The following NUDCD3 variants were observed in gnomAD, a reference collection of about 807,000 sequenced individuals.
NUDCD3 encodes the protein nudC domain-containing protein 3.
A neutral mutation model predicts 39.7 loss-of-function variants in NUDCD3; 13 were observed. The observed-to-expected ratio is 0.33, with a 90% CI of 0.21 to 0.52. The LOEUF is 0.52. Among genes scored for constraint, NUDCD3 ranks in the 20% least tolerant of loss-of-function variants. The pLI is 0.96. For synonymous variants in NUDCD3, 175 were observed against 172.4 expected (o/e 1.02, Z -0.12); for missense variants, 453 against 458.1 (o/e 0.99, Z 0.10).
At position 44,383,788 on chromosome 7, in the gene NUDCD3, C is replaced by G. The variant is rs1585044645; in HGVS notation, c.*2223G>C. On this transcript the variant is annotated 3_prime_UTR_variant, in exon 6 of 6. Coordinates refer to ENST00000355451, the MANE Select transcript of NUDCD3 (RefSeq NM_015332.4). ...AGAGAAAACAGGCAGGGTGTGCCAG[C>G]TCTGGAGACTGGGCCAGTCCAGGGT... 1 of 152,232 alleles carries G rather than the reference C, an allele frequency of 6.6e-6. No individual in the cohort carries two copies. Among genetic ancestry groups the G allele is most frequent in the Admixed American group, 6.5e-5 (1 of 15,282 alleles). 9.4% of individuals were successfully genotyped at this position (152,232 alleles called of 1,614,324 possible). A position where few individuals can be genotyped will look rare whatever the true frequency, so the allele number is the denominator to read the frequency against.
intron 2 of NUDCD3, chr7:44,468,182 T>C: frequency 6.2e-7 from 1 of 1,602,082 alleles, no homozygotes; most frequent in African/African-American, 1.3e-5. Flanking sequence ...CAAATCTTAC[T>C]GTGCCGAGAT....
chr7:44,460,391 G>A (rs533496188), intron 2 of NUDCD3, among the ~76,000 whole-genome samples: 158 of 152,230 alleles, frequency 1.0e-3, no homozygotes, highest in African/African-American at 3.7e-3. Context: ...TTCTTACCTG[G>A]TATGACTAAG....
intron 2 of NUDCD3, among the ~76,000 whole-genome samples, chr7:44,456,969 T>C (rs10246459): frequency 0.15 from 23,418 of 151,676 alleles, 1,986 homozygotes; most frequent in Non-Finnish European, 0.19. Context: ...AGCATTAGTC[T>C]CACATCCTGG....
In NUDCD3 at chr7:44,381,522, C is replaced by T. The variant is rs746802802; in HGVS notation, c.*4489G>A. On this transcript the variant is annotated 3_prime_UTR_variant, in exon 6 of 6. Transcript: ENST00000355451. ...CAGCCACATGGCCTTGGGAGTGTTA[C>T]TTACTCCTGTGATTGTAGCACAATG... is the stretch of plus-strand genomic sequence containing the variant. 12 of 152,276 alleles carry T rather than the reference C, an allele frequency of 7.9e-5. No individual in the cohort carries two copies. Among genetic ancestry groups the T allele is most frequent in the Non-Finnish European group, 1.8e-4 (12 of 68,118 alleles). 9.4% of individuals were successfully genotyped at this position (152,276 alleles called of 1,614,324 possible).
intron 2 of NUDCD3, among the ~76,000 whole-genome samples, chr7:44,458,936 C>CTGTG (rs55947411): frequency 0.15 from 17,550 of 114,976 alleles, 1,375 homozygotes; most frequent in East Asian, 0.31. Flanking sequence ...ACGGGGAGTG[C>CTGTG]TGTGTGTGTG....
At chr7:44,432,342 T>C (rs1799380271) in intron 2 of NUDCD3, among the ~76,000 whole-genome samples, 1 of 152,142 alleles carries the variant, frequency 6.6e-6, no homozygotes, top group African/African-American at 2.4e-5. Context: ...GTATGTAAAA[T>C]GAAGAGTAAA....
chr7:44,414,776 T>C (rs17131819), intron 3 of NUDCD3, among the ~76,000 whole-genome samples: 8,318 of 152,324 alleles, frequency 0.055, 363 homozygotes, highest in African/African-American at 0.12. Context: ...CTGCATTTTT[T>C]CCTAAGCAAC....
At chr7:44,475,445 T>C (rs918552190) in intron 2 of NUDCD3, among the ~76,000 whole-genome samples, 3 of 152,180 alleles carry the variant, frequency 2.0e-5, no homozygotes, top group African/African-American at 4.8e-5. Flanking sequence ...CATGTATTTA[T>C]GTATATGTTT....
intron 2 of NUDCD3, among the ~76,000 whole-genome samples, chr7:44,475,778 G>C (rs2116971300): frequency 6.6e-6 from 1 of 151,622 alleles, no homozygotes; most frequent in Non-Finnish European, 1.5e-5. Context: ...AAAAAGAAAA[G>C]GGAAGAGGAA....
rs3200522 is a variant in NUDCD3, at chr7:44,468,198, A to C, written c.509+16770T>G. 7 of 1,600,598 alleles carry C rather than the reference A, an allele frequency of 4.4e-6. No individual in the cohort carries two copies. The East Asian group carries it at 1.3e-4, about 31-fold the overall frequency. On this transcript the variant is annotated intron_variant, in intron 2 of 5. Coordinates refer to ENST00000355451, the MANE Select transcript of NUDCD3 (RefSeq NM_015332.4). ...AAATCTTACTGTGCCGAGATCGCTC[A>C]CAATGTTTCCTCCAAGAACCGCAAA...
intron 3 of NUDCD3, among the ~76,000 whole-genome samples, chr7:44,419,901 C>T (rs977112653): frequency 6.6e-6 from 1 of 152,132 alleles, no homozygotes; most frequent in African/African-American, 2.4e-5. Flanking sequence ...AAAACCAGCA[C>T]AAAAATGCTG....
At chr7:44,431,749 T>C (rs1048718251) in intron 2 of NUDCD3, among the ~76,000 whole-genome samples, 3 of 145,166 alleles carry the variant, frequency 2.1e-5, no homozygotes, top group Non-Finnish European at 4.5e-5. Context: ...CTCGGCTCAC[T>C]GCAACCTTCA....
chr7:44,424,847 G>C (rs995773476), intron 3 of NUDCD3, among the ~76,000 whole-genome samples: 6 of 152,164 alleles, frequency 3.9e-5, no homozygotes, highest in Non-Finnish European at 8.8e-5. Flanking sequence ...GCACATGTAT[G>C]TTTACTGCAG....
intron 2 of NUDCD3, among the ~76,000 whole-genome samples, chr7:44,480,887 A>G (rs546371295): frequency 2.1e-5 from 3 of 145,172 alleles, no homozygotes; most frequent in African/African-American, 7.7e-5. Context: ...GGCTGCAGTG[A>G]GCCAAGATCA....
intron 2 of NUDCD3, among the ~76,000 whole-genome samples, chr7:44,449,518 C>T (rs536679754): frequency 1.3e-5 from 2 of 152,128 alleles, no homozygotes; most frequent in Non-Finnish European, 2.9e-5. Context: ...GAATAATGTG[C>T]TTGACAGGTA....
chr7:44,404,901 A>AAAGTGAGC (rs1215446124), intron 3 of NUDCD3, among the ~76,000 whole-genome samples: 1 of 152,184 alleles, frequency 6.6e-6, no homozygotes, highest in African/African-American at 2.4e-5. Flanking sequence ...GTCACAGCAA[A>AAAGTGAGC]AAGTGAGCAG....
chr7:44,386,108 A>G lies in NUDCD3; in HGVS notation c.989T>C (p.Met330Thr). The part of the protein sequence containing the change: ...PQSHELKVHE[M>T]LKKGWDAEGS... ...TTCAGCATCCCACCCCTTCTTCAGC[A>G]TCTCATGGACTTTCTACAAACAGAA... Residue 330 changes from methionine to threonine, a missense_variant, in exon 6 of 6, where the codon ATG becomes ACG. Physicochemically the swap from Met to Thr is moderately conservative, Grantham distance 81. Transcript: ENST00000355451. The G allele has an allele frequency of 6.2e-7, 1 of 1,614,180 alleles. No homozygotes were observed. The highest frequency in any genetic ancestry group is 8.5e-7 in the Non-Finnish European group (1 of 1,180,002).
At position 44,421,085 on chromosome 7, in the gene NUDCD3, G is replaced by A. The variant is rs571119795; in HGVS notation, c.642+6486C>T. 3.3e-5 allele frequency among the ~76,000 whole-genome samples: 5 copies of A among 152,314 alleles called. No homozygotes were observed. The East Asian group carries it at 9.6e-4, about 29-fold the overall frequency. On this transcript the variant is annotated intron_variant, in intron 3 of 5. Coordinates refer to ENST00000355451, the MANE Select transcript of NUDCD3 (RefSeq NM_015332.4). ...GTGGTGGCTCACACCTGTAATCCCAGAGCTTTGGGAGGCCAAGGTGGGTGG... is the reference window on the plus strand; with the variant it reads ...GTGGTGGCTCACACCTGTAATCCCAAAGCTTTGGGAGGCCAAGGTGGGTGG...
intron 2 of NUDCD3, among the ~76,000 whole-genome samples, chr7:44,437,552 C>T (rs1250081305): frequency 6.6e-6 from 1 of 152,158 alleles, no homozygotes; most frequent in Non-Finnish European, 1.5e-5. Flanking sequence ...CCAGGGACTA[C>T]CCTGTCACTG....
Sources: allele counts gnomAD v4.1 joint callset (sites outside exome capture counted in the v4.1 genomes callset), GRCh38; gene constraint gnomAD v4.1.1; transcripts MANE v1.5; gene names NCBI Gene and HGNC (gene_info 2026-07-23, HGNC 2026-07-21).